ARHGAP15: variants seen among roughly 807,000 people sequenced by gnomAD.
ARHGAP15 encodes rho GTPase-activating protein 15.
A neutral mutation model predicts 63.7 loss-of-function variants in ARHGAP15; 51 were observed. The observed-to-expected ratio is 0.80, with a 90% CI of 0.64 to 1.01. ARHGAP15 has a LOEUF of 1.01. ARHGAP15 is among the 50% of genes least tolerant of loss of function. The pLI is 0.00. For synonymous variants in ARHGAP15, 191 were observed against 193.8 expected (o/e 0.99, Z 0.12); for missense variants, 560 against 564.6 (o/e 0.99, Z 0.08).
chr2:143,377,403 AATT>A (rs1686862383), intron 6 of ARHGAP15, among the ~76,000 whole-genome samples: 1 of 151,896 alleles, frequency 6.6e-6, no homozygotes, highest in Non-Finnish European at 1.5e-5. Context: ...TGTAATACAT[AATT>A]ATTTCAGAAA....
chr2:143,435,723 C>T (rs1267071854), intron 7 of ARHGAP15, 24 bp downstream of exon 7: 2 of 1,592,854 alleles, frequency 1.3e-6, no homozygotes, highest in Admixed American at 3.5e-5. Flanking sequence ...TTGGCTGTTA[C>T]CTTTATTAAT....
chr2:143,351,444 C>G (rs1186338280), intron 6 of ARHGAP15: 1 of 152,158 alleles, frequency 6.6e-6, no homozygotes, highest in Non-Finnish European at 1.5e-5. Flanking sequence ...AGTGAGACTA[C>G]TGAATTTCTG....
intron 1 of ARHGAP15, among the ~76,000 whole-genome samples, chr2:143,152,365 C>T (rs1469721935): frequency 1.3e-5 from 2 of 152,008 alleles, no homozygotes; most frequent in Non-Finnish European, 2.9e-5. Flanking sequence ...CCTGCACTGA[C>T]TTAGCTCTGA....
intron 11 of ARHGAP15, among the ~76,000 whole-genome samples, chr2:143,598,871 C>T (rs1697635015): frequency 6.6e-6 from 1 of 151,612 alleles, no homozygotes; most frequent in Non-Finnish European, 1.5e-5. Context: ...GAGCTATGAT[C>T]GCACCACTGC....
At chr2:143,195,917 TA>T (rs1691869623) in intron 2 of ARHGAP15, among the ~76,000 whole-genome samples, 1 of 152,150 alleles carries the variant, frequency 6.6e-6, no homozygotes, top group Admixed American at 6.5e-5. Context: ...CTGTTATTTT[TA>T]CAGTATGTAA....
At chr2:143,741,674 T>A (rs1032693579) in intron 13 of ARHGAP15, among the ~76,000 whole-genome samples, 3 of 152,218 alleles carry the variant, frequency 2.0e-5, no homozygotes, top group African/African-American at 7.2e-5. Flanking sequence ...CCGAATACAT[T>A]TGGAGACTTG....
intron 10 of ARHGAP15, among the ~76,000 whole-genome samples, chr2:143,541,281 A>AT (rs1050359970): frequency 2.0e-5 from 3 of 151,756 alleles, no homozygotes; most frequent in Admixed American, 6.6e-5. Context: ...CATTCGTCTA[A>AT]TTTTTTTTCA....
chr2:143,713,421 T>C (rs1684672216), intron 13 of ARHGAP15, among the ~76,000 whole-genome samples: 1 of 152,090 alleles, frequency 6.6e-6, no homozygotes, highest in Admixed American at 6.6e-5. Flanking sequence ...AGAGATACAA[T>C]TAAAGTTGAG....
intron 6 of ARHGAP15, among the ~76,000 whole-genome samples, chr2:143,313,489 C>T (rs1315186109): frequency 1.3e-5 from 2 of 152,174 alleles, no homozygotes; most frequent in East Asian, 1.9e-4. Flanking sequence ...CCTCAGACAA[C>T]TTCCTTTAAC....
chr2:143,148,455 A>G (rs913064880), intron 1 of ARHGAP15, among the ~76,000 whole-genome samples: 2 of 152,070 alleles, frequency 1.3e-5, no homozygotes, highest in African/African-American at 4.8e-5. Flanking sequence ...TGAAAGGTTA[A>G]GAGCTAAGAA....
At chr2:143,180,242 G>C (rs990955141) in intron 2 of ARHGAP15, among the ~76,000 whole-genome samples, 1 of 152,198 alleles carries the variant, frequency 6.6e-6, no homozygotes, top group Admixed American at 6.5e-5. Context: ...TGAGTTTATG[G>C]AATATTCCAA....
intron 10 of ARHGAP15, 99 bp from the exon 11 acceptor site, chr2:143,556,306 GAGA>G (rs1251613174): frequency 3.4e-6 from 3 of 876,070 alleles, no homozygotes; most frequent in Non-Finnish European, 5.2e-6. Context: ...GGTTTTATCT[GAGA>G]AGAATAGATA....
chr2:143,462,323 C>A (rs973812938), intron 8 of ARHGAP15, among the ~76,000 whole-genome samples: 1 of 151,830 alleles, frequency 6.6e-6, no homozygotes, highest in Admixed American at 6.6e-5. Context: ...TTTGCCTCTA[C>A]AAAAATGACA....
intron 2 of ARHGAP15, among the ~76,000 whole-genome samples, chr2:143,201,090 C>T (rs910385914): frequency 5.3e-5 from 8 of 151,910 alleles, no homozygotes; most frequent in Non-Finnish European, 8.8e-5. Flanking sequence ...AAAAGGCAAT[C>T]ATCGGGAGTT....
chr2:143,145,479 C>T (rs1574006205), intron 1 of ARHGAP15, among the ~76,000 whole-genome samples: 2 of 151,982 alleles, frequency 1.3e-5, no homozygotes, highest in African/African-American at 4.8e-5. Flanking sequence ...TTGAGCTAGA[C>T]CTGAACAAAT....
chr2:143,632,580 C>T (rs564392231), intron 12 of ARHGAP15, among the ~76,000 whole-genome samples: 1 of 152,068 alleles, frequency 6.6e-6, no homozygotes, highest in Non-Finnish European at 1.5e-5. Context: ...CATTAAAATG[C>T]AGACTATTAG....
chr2:143,597,255 ATAT>A (rs373120127), intron 11 of ARHGAP15, among the ~76,000 whole-genome samples: 57 of 152,196 alleles, frequency 3.7e-4, no homozygotes, highest in Admixed American at 1.3e-3. Context: ...TAAATGCAAA[ATAT>A]TATAATAAAG....
chr2:143,401,891 A>G (rs1688002673), intron 6 of ARHGAP15, among the ~76,000 whole-genome samples: 1 of 152,020 alleles, frequency 6.6e-6, no homozygotes, highest in Admixed American at 6.6e-5. Flanking sequence ...AGATTTGCTC[A>G]TCATTAAATG....
At chr2:143,280,006 TC>T (rs1382194952) in intron 6 of ARHGAP15, among the ~76,000 whole-genome samples, 3 of 152,128 alleles carry the variant, frequency 2.0e-5, no homozygotes, top group Non-Finnish European at 2.9e-5. Flanking sequence ...CAGGTTGACT[TC>T]CCCCAAACAC....
Sources: allele counts gnomAD v4.1 joint callset (sites outside exome capture counted in the v4.1 genomes callset), GRCh38; gene constraint gnomAD v4.1.1; transcripts MANE v1.5; gene names NCBI Gene and HGNC (gene_info 2026-07-23, HGNC 2026-07-21).